Variants in PLCB4 observed in about 807,000 individuals in gnomAD.
The protein encoded by PLCB4 is phospholipase C beta 4.
Under a neutral mutation model 178.8 loss-of-function variants are expected in PLCB4, and 77 were observed. The observed-to-expected ratio is 0.43, with a 90% CI of 0.36 to 0.52. The LOEUF (loss-of-function observed/expected upper bound fraction) is 0.52. Ranked by LOEUF, PLCB4 falls within the 20% of genes least tolerant of loss-of-function variation. The pLI, the probability that PLCB4 is intolerant of heterozygous loss-of-function variation, is 0.00. For synonymous variants in PLCB4, 496 were observed against 490.8 expected, an observed-to-expected ratio of 1.01 and a Z score of -0.14; for missense variants, 1,024 against 1,453.4, an observed-to-expected ratio of 0.70 and a Z score of 4.80.
intron 38 of PLCB4, among the ~76,000 whole-genome samples, chr20:9,476,301 C>A (rs2044538012): frequency 6.6e-6 from 1 of 152,180 alleles, no homozygotes; most frequent in African/African-American, 2.4e-5. Context: ...TTTTCATAGA[C>A]TTCCCAGCTA....
intron 2 of PLCB4, among the ~76,000 whole-genome samples, chr20:9,193,726 ATGT>A (rs2093433371): frequency 6.6e-6 from 1 of 152,176 alleles, no homozygotes; most frequent in African/African-American, 2.4e-5. Flanking sequence ...TTCTTAAGTC[ATGT>A]TGTATATAAT....
intron 3 of PLCB4, among the ~76,000 whole-genome samples, chr20:9,285,346 G>A (rs2094528169): frequency 6.6e-6 from 1 of 151,788 alleles, no homozygotes. Context: ...GCTGTGGTGT[G>A]CATTGTTTAG....
At chr20:9,137,420 C>T (rs2092405714) in intron 2 of PLCB4, among the ~76,000 whole-genome samples, 1 of 152,106 alleles carries the variant, frequency 6.6e-6, no homozygotes, top group African/African-American at 2.4e-5. Flanking sequence ...AGAAGGGTTA[C>T]TTACTAAAGA....
intron 2 of PLCB4, among the ~76,000 whole-genome samples, chr20:9,210,912 C>T (rs2093665827): frequency 6.6e-6 from 1 of 152,104 alleles, no homozygotes; most frequent in Non-Finnish European, 1.5e-5. Context: ...ACAGTAGGTG[C>T]TCAATAAATA....
At chr20:9,089,965 T>A (rs1481881331) in intron 1 of PLCB4, among the ~76,000 whole-genome samples, 2 of 152,292 alleles carry the variant, frequency 1.3e-5, no homozygotes, top group South Asian at 4.1e-4. Flanking sequence ...TTAAGCAAGG[T>A]AAGCATTCGT....
chr20:9,380,136 A>G lies in PLCB4; in HGVS notation c.827A>G (p.Glu276Gly). The change falls in exon 13 of 40, where the codon GAA becomes GGA. Residue 276 changes from glutamate to glycine, a missense_variant. Coordinates refer to ENST00000378473, the MANE Select transcript of PLCB4 (RefSeq NM_001377142.1). The part of the protein sequence containing the change: ...KRAMQIIEMY[E>G]PDEDLKKKGL... ...GCAATGCAGATCATTGAGATGTATG[A>G]ACCTGATGAAGATTTGAAGAAAAAA... 6.4e-7 allele frequency: 1 copy of G among 1,554,878 alleles called. No individual in the cohort carries two copies. The highest frequency in any genetic ancestry group is 8.8e-7 in the Non-Finnish European group (1 of 1,140,480).
chr20:9,231,405 C>A (rs2093930529), intron 3 of PLCB4, among the ~76,000 whole-genome samples: 1 of 152,084 alleles, frequency 6.6e-6, no homozygotes, highest in Non-Finnish European at 1.5e-5. Flanking sequence ...ACACCTTATA[C>A]AGGAGATTAT....
intron 2 of PLCB4, among the ~76,000 whole-genome samples, chr20:9,204,204 A>G (rs145243352): frequency 1.3e-5 from 2 of 152,288 alleles, no homozygotes; most frequent in African/African-American, 4.8e-5. Flanking sequence ...CCCAGTTTAC[A>G]TAGTTTCTGA....
intron 4 of PLCB4, among the ~76,000 whole-genome samples, chr20:9,322,319 T>G (rs947575156): frequency 6.6e-6 from 1 of 152,148 alleles, no homozygotes; most frequent in Non-Finnish European, 1.5e-5. Context: ...ATGGAAAGAT[T>G]ATAATATTTT....
chr20:9,173,915 T>C (rs149558628), intron 2 of PLCB4, among the ~76,000 whole-genome samples: 42 of 152,316 alleles, frequency 2.8e-4, no homozygotes, highest in African/African-American at 1.0e-3. Flanking sequence ...TCTACAGTGC[T>C]GAGGAACTGG....
chr20:9,303,369 C>CA (rs1394659890), intron 3 of PLCB4, among the ~76,000 whole-genome samples: 1 of 152,204 alleles, frequency 6.6e-6, no homozygotes, highest in Non-Finnish European at 1.5e-5. Flanking sequence ...TTGGTAACCA[C>CA]TGTTCTGCTC....
At chr20:9,246,285 G>C (rs1050978254) in intron 3 of PLCB4, among the ~76,000 whole-genome samples, 2 of 152,072 alleles carry the variant, frequency 1.3e-5, no homozygotes, top group African/African-American at 4.8e-5. Context: ...TCACCATTCA[G>C]TTTCTCCCTT....
At chr20:9,112,729 G>A (rs1222860613) in intron 2 of PLCB4, among the ~76,000 whole-genome samples, 1 of 152,066 alleles carries the variant, frequency 6.6e-6, no homozygotes, top group Non-Finnish European at 1.5e-5. Flanking sequence ...TGCAATTCCT[G>A]GGCAAGTGCA....
At chr20:9,396,813 G>A (rs1396312218) in intron 19 of PLCB4, among the ~76,000 whole-genome samples, 2 of 152,150 alleles carry the variant, frequency 1.3e-5, no homozygotes, top group African/African-American at 2.4e-5. Context: ...ACAGCATTAT[G>A]TCCAAAAATG....
intron 2 of PLCB4, among the ~76,000 whole-genome samples, chr20:9,104,507 C>A (rs926705052): frequency 2.0e-5 from 3 of 152,106 alleles, no homozygotes; most frequent in African/African-American, 7.2e-5. Flanking sequence ...TCCTTCTCAC[C>A]CGCAAATTGC....
Position 9,373,056 on chromosome 20 carries a change from C to T in PLCB4, c.696C>T (p.Asp232=). The change falls in exon 12 of 40, where the codon GAC becomes GAT. Residue 232 remains aspartate (D), a synonymous_variant. Transcript: ENST00000378473. The part of the protein sequence containing the change: ...IEDLFKKING[D]KTDYLTVDQL... ...ATAAATTTCTTTTCAGCAATGGAGA[C>T]AAAACTGATTATTTAACGGTAGACC... is the stretch of plus-strand genomic sequence containing the variant. 6.6e-7 allele frequency: 1 copy of T among 1,509,696 alleles called. No homozygotes were observed. Among genetic ancestry groups the T allele is most frequent in the Non-Finnish European group, 9.2e-7 (1 of 1,087,190 alleles). 93.5% of individuals were successfully genotyped at this position (1,509,696 alleles called of 1,614,324 possible). A position where few individuals can be genotyped will look rare whatever the true frequency, so the allele number is the denominator to read the frequency against.
At chr20:9,398,869 C>T (rs1195518052) in intron 19 of PLCB4, among the ~76,000 whole-genome samples, 2 of 152,238 alleles carry the variant, frequency 1.3e-5, no homozygotes, top group Middle Eastern at 3.4e-3. Context: ...CACATGATCC[C>T]ACAGCGGGCA....
intron 2 of PLCB4, among the ~76,000 whole-genome samples, chr20:9,137,305 A>G: frequency 6.6e-6 from 1 of 152,192 alleles, no homozygotes. Context: ...TCTAGACAGA[A>G]TCAGATGAAA....
chr20:9,144,950 C>G (rs1307199762), intron 2 of PLCB4, among the ~76,000 whole-genome samples: 3 of 152,106 alleles, frequency 2.0e-5, no homozygotes, highest in Non-Finnish European at 2.9e-5. Context: ...TTTCCTAGCT[C>G]TGCCTAAAAG....
Sources: allele counts gnomAD v4.1 joint callset (sites outside exome capture counted in the v4.1 genomes callset), GRCh38; gene constraint gnomAD v4.1.1; transcripts MANE v1.5; gene names NCBI Gene and HGNC (gene_info 2026-07-23, HGNC 2026-07-21).